Variants in KMT5B observed in about 807,000 individuals in gnomAD.
KMT5B encodes lysine methyltransferase 5B, also known as histone-lysine N-methyltransferase KMT5B.
Under a neutral mutation model 83.2 loss-of-function variants are expected in KMT5B, and 10 were observed. The observed-to-expected ratio is 0.12, with a 90% confidence interval of 0.07 to 0.20. KMT5B has a LOEUF of 0.20. Among genes scored for constraint, KMT5B ranks in the 10% least tolerant of loss-of-function variants. KMT5B has a pLI of 1.00. For synonymous variants in KMT5B, 349 were observed against 388.8 expected, an observed-to-expected ratio of 0.90 and a Z score of 1.20; for missense variants, 753 against 1,067.2, an observed-to-expected ratio of 0.71 and a Z score of 4.10.
intron 4 of KMT5B, among the ~76,000 whole-genome samples, chr11:68,177,758 A>G (rs988152460): frequency 2.0e-5 from 3 of 152,246 alleles, no homozygotes; most frequent in Non-Finnish European, 2.9e-5. Flanking sequence ...TCCTTTAAAC[A>G]ATTCAGAACG....
At chr11:68,186,755 A>C (rs775432060) in intron 2 of KMT5B, among the ~76,000 whole-genome samples, 14 of 152,262 alleles carry the variant, frequency 9.2e-5, no homozygotes, top group Non-Finnish European at 2.1e-4. Flanking sequence ...GGAGGACAAC[A>C]GCAATGTAAC....
intron 2 of KMT5B, among the ~76,000 whole-genome samples, chr11:68,187,670 T>G (rs1172403047): frequency 6.6e-6 from 1 of 152,234 alleles, no homozygotes; most frequent in African/African-American, 2.4e-5. Flanking sequence ...GTTCTATAGA[T>G]GTCTGTTAGG....
rs1219176565 is a variant in KMT5B at position 68,189,924 on chromosome 11, C to T, written c.153G>A (p.Ser51=). 1.2e-6 allele frequency: 2 copies of T among 1,613,930 alleles called. No individual in the cohort carries two copies. Among genetic ancestry groups the T allele is most frequent in the South Asian group, 1.1e-5 (1 of 91,028 alleles). The part of the protein sequence containing the change: ...KAGKNAVERR[S]NRCNGNSGFE... Reference sequence around the variant, plus strand: ...GTTTAAGTGTGTACATACATCTGTTCGACCTCCTCTCGACTGCATTTTTGC... The same window carrying T: ...GTTTAAGTGTGTACATACATCTGTTTGACCTCCTCTCGACTGCATTTTTGC... The change falls in exon 2 of 11, where the codon TCG becomes TCA. Residue 51 remains serine, a synonymous_variant. Coordinates refer to ENST00000304363, the MANE Select transcript of KMT5B (RefSeq NM_017635.5).
At chr11:68,211,604 C>T (rs1160201898) in intron 1 of KMT5B, among the ~76,000 whole-genome samples, 1 of 152,182 alleles carries the variant, frequency 6.6e-6, no homozygotes, top group Non-Finnish European at 1.5e-5. Flanking sequence ...TGCCCGTGGG[C>T]GGACGAGATA....
At chr11:68,193,507 T>C (rs1858337820) in intron 1 of KMT5B, among the ~76,000 whole-genome samples, 1 of 150,560 alleles carries the variant, frequency 6.6e-6, no homozygotes, top group African/African-American at 2.4e-5. Flanking sequence ...CTTAGGGGAA[T>C]GGCAAAAAAA....
intron 1 of KMT5B, among the ~76,000 whole-genome samples, chr11:68,191,768 A>G (rs2153074333): frequency 6.6e-6 from 1 of 152,372 alleles, no homozygotes; most frequent in South Asian, 2.1e-4. Flanking sequence ...TTGAAGAAAC[A>G]TTTCAAAATA....
At chr11:68,203,242 G>A (rs1219589976) in intron 1 of KMT5B, among the ~76,000 whole-genome samples, 3 of 152,228 alleles carry the variant, frequency 2.0e-5, no homozygotes, top group Non-Finnish European at 4.4e-5. Flanking sequence ...CCAAAGTGCT[G>A]GGATTACAGG....
chr11:68,171,666 C>T lies in KMT5B; in HGVS notation c.697G>A (p.Glu233Lys). ...ATGTTCTCCTCAATTTCTGAAAGTT[C>T]GGCAATACAACCCACCAGTAATTCT... ...KIELLVGCIA[E>K]LSEIEENMLL... Residue 233 changes from glutamate (E) to lysine (K), a missense_variant, in exon 7 of 11, where the codon GAA becomes AAA. Coordinates refer to ENST00000304363, the MANE Select transcript of KMT5B (RefSeq NM_017635.5). The surrounding 1 kb of genome is among the most constrained non-coding windows in gnomAD (Gnocchi z 5.1). 6.2e-7 allele frequency: 1 copy of T among 1,613,812 alleles called. No individual in the cohort carries two copies. Among genetic ancestry groups the T allele is most frequent in the Non-Finnish European group, 8.5e-7 (1 of 1,179,806 alleles).
intron 2 of KMT5B, among the ~76,000 whole-genome samples, chr11:68,189,016 G>T (rs1857744047): frequency 6.6e-6 from 1 of 152,138 alleles, no homozygotes; most frequent in Non-Finnish European, 1.5e-5. Context: ...AAAGGTTAAG[G>T]GTAGCCTGGG....
rs1356927210 is a variant in KMT5B at position 68,180,204 on chromosome 11, T to C, written c.309-4A>G. On this transcript the variant is annotated splice_polypyrimidine_tract_variant and splice_region_variant and intron_variant, in intron 3 of 10. Coordinates refer to ENST00000304363, the MANE Select transcript of KMT5B (RefSeq NM_017635.5). ...TGAGCTCCTCGAAGGAAAGGCGCTA[T>C]ATAAATGCAAAAACAAACAACAAAA... The C allele has an allele frequency of 3.8e-6, 6 of 1,565,978 alleles. No homozygotes were observed. Among genetic ancestry groups the C allele is most frequent in the Non-Finnish European group, 5.2e-6 (6 of 1,143,834 alleles).
At chr11:68,191,632 C>T (rs1358831734) in intron 1 of KMT5B, among the ~76,000 whole-genome samples, 3 of 152,070 alleles carry the variant, frequency 2.0e-5, no homozygotes, top group Non-Finnish European at 4.4e-5. Context: ...CTGTATGTGG[C>T]CAGAATGTAT....
intron 1 of KMT5B, among the ~76,000 whole-genome samples, chr11:68,194,761 C>T (rs1360088940): frequency 1.3e-5 from 2 of 152,184 alleles, no homozygotes; most frequent in African/African-American, 2.4e-5. Context: ...GCCAAAGAAA[C>T]AGCACTTTCT....
Position 68,194,353 on chromosome 11 carries a change from G to A in KMT5B, c.-76-4201C>T, listed in dbSNP as rs181366479. 5.3e-5 allele frequency among the ~76,000 whole-genome samples: 8 copies of A among 151,868 alleles called. 1 individual carries two copies. Among genetic ancestry groups the A allele is most frequent in the South Asian group, 4.2e-4 (2 of 4,802 alleles). On this transcript the variant is annotated intron_variant, in intron 1 of 10. Transcript: ENST00000304363. ...ATTACAGGTGTGCACCACCATGCCC[G>A]CCTAATTTTTGTATTTTTTAGTAGA... is the stretch of plus-strand genomic sequence containing the variant.
intron 1 of KMT5B, among the ~76,000 whole-genome samples, chr11:68,203,609 T>C (rs1369848072): frequency 1.3e-5 from 2 of 152,232 alleles, no homozygotes; most frequent in Non-Finnish European, 2.9e-5. Context: ...CCATTAACAC[T>C]GCTTGACAGG....
intron 5 of KMT5B, 40 bp downstream of exon 5, chr11:68,174,978 T>C (rs1272854237): frequency 6.4e-7 from 1 of 1,570,768 alleles, no homozygotes; most frequent in African/African-American, 1.4e-5. Flanking sequence ...TCACTATTCT[T>C]ATCCAAATAG....
At chr11:68,197,807 G>C (rs1238700538) in intron 1 of KMT5B, among the ~76,000 whole-genome samples, 1 of 152,200 alleles carries the variant, frequency 6.6e-6, no homozygotes, top group African/African-American at 2.4e-5. Context: ...CTAGCAGAGA[G>C]AGATTCTCCA....
At chr11:68,205,157 C>CA (rs1207439195) in intron 1 of KMT5B, among the ~76,000 whole-genome samples, 4 of 145,200 alleles carry the variant, frequency 2.8e-5, no homozygotes, top group South Asian at 2.2e-4. Flanking sequence ...AAAAAAAAAA[C>CA]AAAAAAAACA....
At chr11:68,190,197 A>G in intron 1 of KMT5B, 45 bp from the exon 2 acceptor site, 3 of 837,882 alleles carry the variant, frequency 3.6e-6, no homozygotes, top group South Asian at 3.2e-5. Flanking sequence ...TGGGGAGATA[A>G]ATACATGAAA....
At chr11:68,204,611 GTTTTTTTT>G (rs34315868) in intron 1 of KMT5B, among the ~76,000 whole-genome samples, 7 of 106,158 alleles carry the variant, frequency 6.6e-5, no homozygotes, top group East Asian at 3.1e-4. Flanking sequence ...TAAATTTCCG[GTTTTTTTT>G]TTTTTTTTTT....
Sources: allele counts gnomAD v4.1 joint callset (sites outside exome capture counted in the v4.1 genomes callset), GRCh38; gene constraint gnomAD v4.1.1; non-coding constraint Gnocchi (gnomAD v3.1); transcripts MANE v1.5; gene names NCBI Gene and HGNC (gene_info 2026-07-23, HGNC 2026-07-21).